HMGXB3: variants seen among roughly 807,000 people sequenced by gnomAD.
HMGXB3 encodes the protein HMG domain-containing protein 3.
In HMGXB3, 45 loss-of-function variants were observed where a neutral mutation model predicts 121.5. The ratio of observed to expected loss-of-function variants is 0.37; its 90% CI spans 0.29 to 0.47. The LOEUF (loss-of-function observed/expected upper bound fraction) is 0.47, where lower values mean the gene tolerates loss of function less well. Among genes scored for constraint, HMGXB3 ranks in the 20% least tolerant of loss-of-function variants. The pLI is 0.99. For synonymous variants in HMGXB3, 590 were observed against 624.1 expected, an observed-to-expected ratio of 0.95 and a Z score of 0.81; for missense variants, 1,376 against 1,602.2, an observed-to-expected ratio of 0.86 and a Z score of 2.41.
intron 7 of HMGXB3, 43 bp downstream of exon 7, chr5:150,024,723 C>T: frequency 7.0e-7 from 1 of 1,432,718 alleles, no homozygotes; most frequent in Non-Finnish European, 9.3e-7. Flanking sequence ...TGGAAATGCC[C>T]CATGTTTCTT....
intron 17 of HMGXB3, 42 bp downstream of exon 17, chr5:150,047,799 T>C (rs1308534972): frequency 5.7e-5 from 88 of 1,548,488 alleles, no homozygotes; most frequent in Non-Finnish European, 6.9e-5. Flanking sequence ...GCTTCTGGAG[T>C]AGGCTGATTG....
chr5:150,031,772 G>A (rs1756386723), intron 10 of HMGXB3, among the ~76,000 whole-genome samples: 1 of 152,150 alleles, frequency 6.6e-6, no homozygotes, highest in South Asian at 2.1e-4. Flanking sequence ...TTCTGTACTA[G>A]GATCTGTACT....
chr5:150,007,029 A>G (rs1755720095), intron 3 of HMGXB3, among the ~76,000 whole-genome samples: 1 of 152,208 alleles, frequency 6.6e-6, no homozygotes, highest in South Asian at 2.1e-4. Context: ...TGAATGTAGT[A>G]TATTGTACTA....
chr5:150,011,892 G>T (rs977943119), intron 4 of HMGXB3, among the ~76,000 whole-genome samples: 1 of 152,068 alleles, frequency 6.6e-6, no homozygotes, highest in Non-Finnish European at 1.5e-5. Context: ...GATTACAGGC[G>T]TGAGCCGCCG....
chr5:150,050,234 C>T lies in HMGXB3; in HGVS notation c.3202-18C>T. 2.0e-5 allele frequency: 31 copies of T among 1,549,648 alleles called. No homozygotes were observed. The highest frequency in any genetic ancestry group is 2.7e-5 in the Non-Finnish European group (31 of 1,145,088). The stretch of plus-strand genomic sequence containing the variant: ...GGCTTCCTAATTAACCCTGCGCCCC[C>T]CACCCTTCATCTCCCAGGTGGTCTG... On this transcript the variant is annotated intron_variant, in intron 18 of 19. Transcript: ENST00000502717.
In HMGXB3 at chr5:150,003,283, A is replaced by C. The variant is rs1258123444; in HGVS notation, c.-2-1568A>C. Among the ~76,000 whole-genome samples the C allele has an allele frequency of 2.0e-5, 3 of 152,354 alleles. No individual in the cohort carries two copies. In the East Asian group the frequency reaches 5.8e-4, roughly 29 times the overall value. On this transcript the variant is annotated intron_variant, in intron 1 of 19. Coordinates refer to ENST00000502717, the MANE Select transcript of HMGXB3 (RefSeq NM_014983.3). ...TAGAACATTTCCATCATCAGAGTTT[A>C]TTGAACAGTGCTGGTTTGGAGGGTT...
chr5:150,020,746 CTT>C (rs34111560), intron 6 of HMGXB3, among the ~76,000 whole-genome samples: 18 of 135,170 alleles, frequency 1.3e-4, no homozygotes, highest in Non-Finnish European at 1.3e-4. Context: ...ACTGAAACAG[CTT>C]TTTTTTTTTT....
At chr5:150,034,549 TG>T (rs1561875769) in intron 11 of HMGXB3, among the ~76,000 whole-genome samples, 2 of 152,140 alleles carry the variant, frequency 1.3e-5, no homozygotes, top group African/African-American at 2.4e-5. Flanking sequence ...AGGGACCTCT[TG>T]CCAATTTCAA....
intron 5 of HMGXB3, 24 bp downstream of exon 5, chr5:150,012,377 G>T: frequency 6.8e-7 from 1 of 1,476,036 alleles, no homozygotes; most frequent in East Asian, 2.5e-5. Flanking sequence ...GTGGGGGATT[G>T]ATGGCAATTA....
rs1018950888 is a variant in HMGXB3, at chr5:150,041,973, A to G, written c.2730+4A>G. 8 of 1,549,386 alleles carry G rather than the reference A, an allele frequency of 5.2e-6. No individual in the cohort carries two copies. The highest frequency in any genetic ancestry group is 7.0e-6 in the Non-Finnish European group (8 of 1,145,268). ...GCTAGCACTGAAGAGCGTGGAGGTA[A>G]GTGCCTCTTAGCCACCGTGAGGGAC... On this transcript the variant is annotated splice_donor_region_variant and intron_variant, in intron 15 of 19. Coordinates refer to ENST00000502717, the MANE Select transcript of HMGXB3 (RefSeq NM_014983.3).
intron 1 of HMGXB3, among the ~76,000 whole-genome samples, chr5:150,003,764 G>A (rs1755631605): frequency 6.6e-6 from 1 of 151,834 alleles, no homozygotes; most frequent in South Asian, 2.1e-4. Context: ...AGGATTTTGA[G>A]ACCAGCCTGG....
chr5:150,004,605 C>G (rs959185641), intron 1 of HMGXB3, among the ~76,000 whole-genome samples: 1 of 152,146 alleles, frequency 6.6e-6, no homozygotes, highest in African/African-American at 2.4e-5. Context: ...TGAGGAATCA[C>G]CTGAGGCATT....
rs367855303 is a variant in HMGXB3, at chr5:150,047,420, C to G, written c.2951-204C>G. 963 of 574,860 alleles carry G rather than the reference C, an allele frequency of 1.7e-3. 21 individuals carry two copies. The South Asian group carries it at 0.021, about 12-fold the overall frequency. 35.6% of individuals were successfully genotyped at this position (574,860 alleles called of 1,614,324 possible). On this transcript the variant is annotated intron_variant, in intron 16 of 19. Coordinates refer to ENST00000502717, the MANE Select transcript of HMGXB3 (RefSeq NM_014983.3). ...GTGGCGGTATGCAGGATATCTCACTCAGATGTTCCAGGGCAGAAAGCCAGT... is the reference window on the plus strand; with the variant it reads ...GTGGCGGTATGCAGGATATCTCACTGAGATGTTCCAGGGCAGAAAGCCAGT...
intron 6 of HMGXB3, 48 bp downstream of exon 6, chr5:150,018,745 T>C: frequency 6.7e-7 from 1 of 1,496,486 alleles, no homozygotes; most frequent in Non-Finnish European, 9.0e-7. Flanking sequence ...CAGAATAGAC[T>C]TTCTGTTTGC....
At chr5:150,005,883 A>G (rs560334861) in intron 2 of HMGXB3, among the ~76,000 whole-genome samples, 13 of 152,184 alleles carry the variant, frequency 8.5e-5, no homozygotes, top group South Asian at 2.1e-4. Flanking sequence ...CTGAGAGTGG[A>G]ATGACAGGAC....
intron 7 of HMGXB3, 150 bp from the exon 8 acceptor site, chr5:150,026,556 T>C: frequency 3.1e-6 from 2 of 646,962 alleles, no homozygotes; most frequent in Non-Finnish European, 2.7e-6. Flanking sequence ...GCCACACAGC[T>C]ATTTAGTGGT....
chr5:150,035,863 C>T (rs1409302654), intron 11 of HMGXB3, among the ~76,000 whole-genome samples: 2 of 152,014 alleles, frequency 1.3e-5, no homozygotes, highest in Non-Finnish European at 2.9e-5. Context: ...CAGAAGCCAC[C>T]GAGAATTAAA....
chr5:150,018,718 C>T, intron 6 of HMGXB3, 21 bp downstream of exon 6: 1 of 1,539,748 alleles, frequency 6.5e-7, no homozygotes, highest in Non-Finnish European at 8.8e-7. Flanking sequence ...TTGGCTGTTG[C>T]TGCTTTGGAA....
chr5:150,004,115 C>G (rs913415111), intron 1 of HMGXB3, among the ~76,000 whole-genome samples: 7 of 151,816 alleles, frequency 4.6e-5, no homozygotes, highest in Non-Finnish European at 1.0e-4. Context: ...CTCAAGCAAC[C>G]CTCCCATCTC....
Sources: allele counts gnomAD v4.1 joint callset (sites outside exome capture counted in the v4.1 genomes callset), GRCh38; gene constraint gnomAD v4.1.1; transcripts MANE v1.5; gene names NCBI Gene and HGNC (gene_info 2026-07-23, HGNC 2026-07-21).